The following SMIM10L3 variants were observed in gnomAD, a reference collection of about 807,000 sequenced individuals.
The protein encoded by SMIM10L3 is salivary gland specific protein SAGSIN1.
At chr7:6,348,588 G>A in the SMIM10L3 span, 1 of 443,240 alleles carries the variant, frequency 2.3e-6, no homozygotes, top group Admixed American at 3.9e-5. Flanking sequence ...GGCGGACGTT[G>A]AGCATCATGG....
chr7:6,330,823 G>A, the SMIM10L3 span: 8 of 1,614,082 alleles, frequency 5.0e-6, no homozygotes, highest in Non-Finnish European at 5.1e-6. Flanking sequence ...AAAACACTCT[G>A]TTGGAGCAGG....
the SMIM10L3 span, among the ~76,000 whole-genome samples, chr7:6,346,356 G>A: frequency 6.6e-6 from 1 of 151,998 alleles, no homozygotes; most frequent in Non-Finnish European, 1.5e-5. Flanking sequence ...AAAATAAAGA[G>A]GCCAGTTAAT....
At chr7:6,338,871 G>C in the SMIM10L3 span, among the ~76,000 whole-genome samples, 1 of 152,198 alleles carries the variant, frequency 6.6e-6, no homozygotes, top group African/African-American at 2.4e-5. Flanking sequence ...AGAAGACACA[G>C]CTAAAACCAG....
the SMIM10L3 span, among the ~76,000 whole-genome samples, chr7:6,334,735 G>T: frequency 6.6e-6 from 1 of 152,050 alleles, no homozygotes; most frequent in South Asian, 2.1e-4. Context: ...CAAAGTGCTA[G>T]GATTACAGGC....
chr7:6,331,518 C>T, the SMIM10L3 span, among the ~76,000 whole-genome samples: 3 of 151,548 alleles, frequency 2.0e-5, no homozygotes, highest in East Asian at 2.0e-4. Flanking sequence ...CCACGCTGGG[C>T]GACCAGTTGC....
At chr7:6,348,521 C>A in the SMIM10L3 span, 1 of 412,708 alleles carries the variant, frequency 2.4e-6, no homozygotes, top group Non-Finnish European at 4.3e-6. Flanking sequence ...ATCCCGCGGG[C>A]GAGGCGGGCG....
the SMIM10L3 span, among the ~76,000 whole-genome samples, chr7:6,340,898 C>CAA: frequency 0.014 from 477 of 33,642 alleles, 13 homozygotes; most frequent in African/African-American, 0.058. Flanking sequence ...GACTCCATCT[C>CAA]AAAAAAAAAA....
chr7:6,346,491 C>G, the SMIM10L3 span, among the ~76,000 whole-genome samples: 5 of 152,160 alleles, frequency 3.3e-5, no homozygotes, highest in Admixed American at 1.3e-4. Context: ...CTCAGCCCCA[C>G]AAGCAGCTGG....
At chr7:6,330,048 A>G in the SMIM10L3 span, 1 of 299,318 alleles carries the variant, frequency 3.3e-6, no homozygotes, top group East Asian at 9.3e-5. Context: ...GATTTGGGAC[A>G]GTAGCCCTTT....
chr7:6,336,226 G>C, the SMIM10L3 span, among the ~76,000 whole-genome samples: 1 of 151,236 alleles, frequency 6.6e-6, no homozygotes, highest in Non-Finnish European at 1.5e-5. Flanking sequence ...CACACCTGTA[G>C]TCCCAGTCAC....
chr7:6,330,263 A>G, the SMIM10L3 span: 3 of 1,093,226 alleles, frequency 2.7e-6, no homozygotes, highest in Non-Finnish European at 3.9e-6. Flanking sequence ...AGGTCGTACA[A>G]AACTACAGCA....
At chr7:6,335,801 C>CA in the SMIM10L3 span, among the ~76,000 whole-genome samples, 3 of 151,294 alleles carry the variant, frequency 2.0e-5, no homozygotes. Flanking sequence ...TTGGGAGGCA[C>CA]AGACAGAAGG....
the SMIM10L3 span, chr7:6,331,378 G>C: frequency 1.7e-6 from 1 of 601,026 alleles, no homozygotes. Flanking sequence ...GGTAAGGCTG[G>C]TTTTGAACTC....
the SMIM10L3 span, among the ~76,000 whole-genome samples, chr7:6,347,480 C>T: frequency 1.3e-5 from 2 of 151,490 alleles, no homozygotes; most frequent in Non-Finnish European, 2.9e-5. Context: ...GGCGCCACCG[C>T]ACTCCAGCTT....
At chr7:6,345,959 G>C in the SMIM10L3 span, among the ~76,000 whole-genome samples, 1 of 151,900 alleles carries the variant, frequency 6.6e-6, no homozygotes, top group African/African-American at 2.4e-5. Context: ...AGTAGAGATG[G>C]GGTTTTGCCA....
chr7:6,337,386 T>C, the SMIM10L3 span, among the ~76,000 whole-genome samples: 1,031 of 150,918 alleles, frequency 6.8e-3, 24 homozygotes, highest in African/African-American at 0.023. Flanking sequence ...CCTCCCAAAG[T>C]GTTGGGATTA....
At chr7:6,335,700 T>C in the SMIM10L3 span, among the ~76,000 whole-genome samples, 2 of 152,174 alleles carry the variant, frequency 1.3e-5, no homozygotes, top group Admixed American at 1.3e-4. Flanking sequence ...AAGTTTTTAC[T>C]GATAGAATTG....
At chr7:6,337,175 G>A in the SMIM10L3 span, among the ~76,000 whole-genome samples, 4 of 151,676 alleles carry the variant, frequency 2.6e-5, no homozygotes, top group East Asian at 1.9e-4. Flanking sequence ...GCACTCAAGC[G>A]ACTCTCCTGT....
the SMIM10L3 span, among the ~76,000 whole-genome samples, chr7:6,336,324 C>T: frequency 1.8e-4 from 27 of 151,432 alleles, no homozygotes; most frequent in East Asian, 3.9e-4. Flanking sequence ...CTCCAGCCTG[C>T]GCAATTAGAG....
Sources: gnomAD v4.1 joint callset for allele counts (sites outside exome capture counted in the v4.1 genomes callset) on GRCh38, gnomAD v4.1.1 for gene constraint, MANE v1.5 for transcripts, NCBI Gene and HGNC (gene_info 2026-07-23, HGNC 2026-07-21) for gene names.